Variants in HCRTR2 observed in about 807,000 individuals in gnomAD.
The protein encoded by HCRTR2 is hypocretin receptor 2.
HCRTR2 carries 22 observed loss-of-function variants against 49.0 expected under a neutral mutation model. The ratio of observed to expected loss-of-function variants is 0.45; its 90% CI spans 0.32 to 0.64. HCRTR2 has a LOEUF of 0.64. HCRTR2 is among the 30% of genes least tolerant of loss of function. The pLI, the probability that HCRTR2 is intolerant of heterozygous loss-of-function variation, is 0.04. For synonymous variants in HCRTR2, 236 were observed against 205.3 expected, an observed-to-expected ratio of 1.15 and a Z score of -1.28; for missense variants, 491 against 559.4, an observed-to-expected ratio of 0.88 and a Z score of 1.23.
chr6:55,174,876 C>T (rs1765011865), intron 1 of HCRTR2, 66 bp downstream of exon 1: 7 of 1,299,000 alleles, frequency 5.4e-6, no homozygotes, highest in Non-Finnish European at 7.8e-6. Context: ...GCTGAGAAGG[C>T]TCTAAAGAGA....
intron 1 of HCRTR2, among the ~76,000 whole-genome samples, chr6:55,228,364 T>C (rs1766051916): frequency 6.6e-6 from 1 of 152,168 alleles, no homozygotes; most frequent in South Asian, 2.1e-4. Context: ...TAATATGTAA[T>C]ATTGTAGGAT....
chr6:55,214,874 G>A (rs1270488631), intron 1 of HCRTR2, among the ~76,000 whole-genome samples: 2 of 151,844 alleles, frequency 1.3e-5, no homozygotes, highest in East Asian at 1.9e-4. Context: ...ACTTGAAGAT[G>A]GGTCATTTGT....
chr6:55,138,297 T>A (rs1188784415), intron 1 of HCRTR2, among the ~76,000 whole-genome samples: 3 of 152,214 alleles, frequency 2.0e-5, no homozygotes, highest in African/African-American at 7.2e-5. Context: ...AAGAAAGATA[T>A]AGTCTTCATG....
Position 55,210,373 on chromosome 6 carries a change from G to A in HCRTR2, c.223+35563G>A, listed in dbSNP as rs560500850. 1.6e-4 allele frequency among the ~76,000 whole-genome samples: 24 copies of A among 152,154 alleles called. No homozygotes were observed. The East Asian group carries it at 4.4e-3, about 28-fold the overall frequency. Reference sequence around the variant, plus strand: ...GACTTGCTCTCCAAACACAGGAATAGGTGGCCTGCAGACACACTCTGTGAT... The same window carrying A: ...GACTTGCTCTCCAAACACAGGAATAAGTGGCCTGCAGACACACTCTGTGAT... On this transcript the variant is annotated intron_variant, in intron 1 of 6. Transcript: ENST00000370862.
chr6:55,126,401 A>G (rs1043612056), intron 1 of HCRTR2, among the ~76,000 whole-genome samples: 1 of 152,012 alleles, frequency 6.6e-6, no homozygotes, highest in Middle Eastern at 3.2e-3. Flanking sequence ...TCCACTCCTG[A>G]CCCTGTTTGC....
chr6:55,115,661 C>T (rs73438561), intron 1 of HCRTR2, among the ~76,000 whole-genome samples: 5,674 of 151,500 alleles, frequency 0.037, 349 homozygotes, highest in African/African-American at 0.13. Flanking sequence ...ATTGTTATTC[C>T]ATAATCTTTA....
At chr6:55,240,889 T>G in intron 1 of HCRTR2, 1 of 241,112 alleles carries the variant, frequency 4.1e-6, no homozygotes, top group Admixed American at 5.1e-5. Context: ...GAAATGTTGT[T>G]TTATTTCACG....
intron 1 of HCRTR2, among the ~76,000 whole-genome samples, chr6:55,214,900 G>T (rs1765761398): frequency 1.3e-5 from 2 of 151,660 alleles, no homozygotes; most frequent in South Asian, 4.2e-4. Flanking sequence ...TTCAGTCAGA[G>T]AAACAAAAAG....
chr6:55,125,426 T>G (rs184193610), intron 1 of HCRTR2, among the ~76,000 whole-genome samples: 2 of 152,346 alleles, frequency 1.3e-5, no homozygotes, highest in Admixed American at 1.3e-4. Flanking sequence ...TCTTTAAGGA[T>G]GTTGAATATT....
chr6:55,258,730 T>C (rs1766698933), intron 3 of HCRTR2, among the ~76,000 whole-genome samples: 1 of 152,218 alleles, frequency 6.6e-6, no homozygotes, highest in South Asian at 2.1e-4. Flanking sequence ...GGTTTGTAAA[T>C]GCATAGTTCT....
chr6:55,212,256 AC>A (rs1253764072), intron 1 of HCRTR2, among the ~76,000 whole-genome samples: 2 of 148,176 alleles, frequency 1.3e-5, no homozygotes, highest in Non-Finnish European at 3.0e-5. Context: ...ACTACTCAAG[AC>A]CATACAAATT....
intron 4 of HCRTR2, among the ~76,000 whole-genome samples, chr6:55,267,665 A>T (rs1390715467): frequency 6.6e-6 from 1 of 152,122 alleles, no homozygotes; most frequent in African/African-American, 2.4e-5. Flanking sequence ...TGTAATAGAT[A>T]TTTGGGTCTG....
chr6:55,221,736 CT>C (rs1200838861), intron 1 of HCRTR2, among the ~76,000 whole-genome samples: 4 of 151,486 alleles, frequency 2.6e-5, no homozygotes, highest in African/African-American at 4.9e-5. Context: ...TGGCGTGAAC[CT>C]CAGAGGCAGA....
chr6:55,163,345 T>C (rs1284810353), intron 1 of HCRTR2, among the ~76,000 whole-genome samples: 1 of 152,094 alleles, frequency 6.6e-6, no homozygotes, highest in East Asian at 1.9e-4. Flanking sequence ...AGAACATAGC[T>C]GGAGGCATCA....
intron 1 of HCRTR2, among the ~76,000 whole-genome samples, chr6:55,162,072 G>A (rs752200821): frequency 3.3e-5 from 5 of 152,040 alleles, no homozygotes; most frequent in South Asian, 2.1e-4. Context: ...GATTAACACC[G>A]ACGCAAAAAT....
At chr6:55,188,768 G>T (rs1765267585) in intron 1 of HCRTR2, among the ~76,000 whole-genome samples, 2 of 152,158 alleles carry the variant, frequency 1.3e-5, no homozygotes, top group African/African-American at 4.8e-5. Context: ...ATAAACTATA[G>T]TATGAGGATT....
At chr6:55,119,556 G>T (rs72967865) in intron 1 of HCRTR2, among the ~76,000 whole-genome samples, 2 of 151,276 alleles carry the variant, frequency 1.3e-5, no homozygotes, top group African/African-American at 4.9e-5. Context: ...TTTTTCATAC[G>T]TCTGTTCACT....
chr6:55,138,504 G>T (rs916316127), intron 1 of HCRTR2, among the ~76,000 whole-genome samples: 3 of 152,196 alleles, frequency 2.0e-5, no homozygotes, highest in Non-Finnish European at 4.4e-5. Context: ...ATATGCGCAT[G>T]CTGCTTGCCA....
At chr6:55,116,452 G>C (rs539077821) in intron 1 of HCRTR2, among the ~76,000 whole-genome samples, 3 of 150,488 alleles carry the variant, frequency 2.0e-5, no homozygotes, top group Non-Finnish European at 4.5e-5. Flanking sequence ...GGGGGAGATA[G>C]AAAAAGAGAG....
Sources: allele counts gnomAD v4.1 joint callset (sites outside exome capture counted in the v4.1 genomes callset), GRCh38; gene constraint gnomAD v4.1.1; transcripts MANE v1.5; gene names NCBI Gene and HGNC (gene_info 2026-07-23, HGNC 2026-07-21).